SUPT3H: variants seen among roughly 807,000 people sequenced by gnomAD.
SUPT3H encodes the protein transcription initiation protein SPT3 homolog.
A neutral mutation model predicts 44.3 loss-of-function variants in SUPT3H; 44 were observed. The observed-to-expected ratio is 0.99, with a 90% CI of 0.78 to 1.28. The LOEUF is 1.28. Among genes scored for constraint, SUPT3H ranks in the 50% most tolerant of loss-of-function variants. The probability of loss-of-function intolerance (pLI) is 0.00; values close to 1 mark genes in which losing one functional copy is unlikely to be tolerated. For synonymous variants in SUPT3H, 124 were observed against 125.6 expected, an observed-to-expected ratio of 0.99 and a Z score of 0.09; for missense variants, 380 against 387.1, an observed-to-expected ratio of 0.98 and a Z score of 0.15.
intron 10 of SUPT3H, among the ~76,000 whole-genome samples, chr6:44,851,831 G>C (rs568098109): frequency 2.0e-5 from 3 of 152,206 alleles, no homozygotes; most frequent in African/African-American, 7.2e-5. Context: ...TGCTCATTGA[G>C]CCCCTGATCA....
intron 2 of SUPT3H, among the ~76,000 whole-genome samples, chr6:45,158,298 A>ATATATATATATATATTTTTTTT: frequency 2.0e-5 from 2 of 99,694 alleles, no homozygotes; most frequent in Admixed American, 1.3e-4. Flanking sequence ...ATATATATAT[A>ATATATATATATATATTTTTTTT]TTTTTTTTTT....
chr6:45,312,563 C>G (rs1348607988), intron 2 of SUPT3H, among the ~76,000 whole-genome samples: 2 of 150,450 alleles, frequency 1.3e-5, no homozygotes, highest in Non-Finnish European at 3.0e-5. Flanking sequence ...GATAAAAGGC[C>G]TTGTCCAACA....
chr6:45,070,740 A>AAAC (rs11420808), intron 3 of SUPT3H, among the ~76,000 whole-genome samples: 2 of 1,392 alleles, frequency 1.4e-3, no homozygotes, highest in Non-Finnish European at 2.6e-3. Context: ...TGTCTCAAAC[A>AAAC]AAAAAAAAAA....
intron 2 of SUPT3H, among the ~76,000 whole-genome samples, chr6:45,152,329 T>G (rs1807083501): frequency 6.6e-6 from 1 of 152,160 alleles, no homozygotes; most frequent in African/African-American, 2.4e-5. Context: ...TTTAGAATAT[T>G]TATTTCCACA....
intron 6 of SUPT3H, among the ~76,000 whole-genome samples, chr6:44,980,030 G>A (rs1211497423): frequency 6.6e-6 from 1 of 152,050 alleles, no homozygotes; most frequent in Admixed American, 6.6e-5. Context: ...TAGTTGCTTA[G>A]GCAAGATCAA....
intron 3 of SUPT3H, among the ~76,000 whole-genome samples, chr6:45,087,928 A>G (rs1291067677): frequency 6.6e-6 from 1 of 152,084 alleles, no homozygotes; most frequent in African/African-American, 2.4e-5. Flanking sequence ...GGACTCGAAG[A>G]TCATTTAGGA....
chr6:45,278,995 G>GA (rs1389829511), intron 2 of SUPT3H, among the ~76,000 whole-genome samples: 3 of 152,044 alleles, frequency 2.0e-5, no homozygotes, highest in Non-Finnish European at 2.9e-5. Flanking sequence ...TAATATTTCT[G>GA]AAAAAAGTTA....
chr6:45,301,352 G>A (rs1782115766), intron 2 of SUPT3H, among the ~76,000 whole-genome samples: 1 of 152,156 alleles, frequency 6.6e-6, no homozygotes, highest in African/African-American at 2.4e-5. Flanking sequence ...TTCCATTCCA[G>A]CTTTATATAA....
chr6:45,152,753 A>G (rs2153597118), intron 2 of SUPT3H, among the ~76,000 whole-genome samples: 1 of 152,244 alleles, frequency 6.6e-6, no homozygotes. Flanking sequence ...CAGCCTCCCA[A>G]AGTGCTGGGA....
intron 2 of SUPT3H, among the ~76,000 whole-genome samples, chr6:45,283,185 C>A (rs370063301): frequency 2.9e-4 from 44 of 152,188 alleles, no homozygotes; most frequent in African/African-American, 9.9e-4. Context: ...AACTAACGAG[C>A]AAAATAACCA....
At chr6:45,242,482 C>T (rs1320490102) in intron 2 of SUPT3H, among the ~76,000 whole-genome samples, 1 of 152,184 alleles carries the variant, frequency 6.6e-6, no homozygotes, top group African/African-American at 2.4e-5. Flanking sequence ...TGAAGATGAA[C>T]ATTCTCAGAG....
At chr6:45,320,015 T>A (rs1465881672) in intron 2 of SUPT3H, among the ~76,000 whole-genome samples, 1 of 152,128 alleles carries the variant, frequency 6.6e-6, no homozygotes, top group Non-Finnish European at 1.5e-5. Flanking sequence ...TCCAACCTCA[T>A]CCTAAAAGGA....
At chr6:45,082,079 C>T (rs141086325) in intron 3 of SUPT3H, among the ~76,000 whole-genome samples, 181 of 152,086 alleles carry the variant, frequency 1.2e-3, no homozygotes, top group African/African-American at 4.1e-3. Context: ...CATAACCTCC[C>T]AATATTAAAT....
chr6:45,253,243 TA>T (rs2153653792), intron 2 of SUPT3H, among the ~76,000 whole-genome samples: 1 of 152,284 alleles, frequency 6.6e-6, no homozygotes, highest in South Asian at 2.1e-4. Flanking sequence ...GAAATACAAA[TA>T]TCTCAACACT....
intron 3 of SUPT3H, among the ~76,000 whole-genome samples, chr6:45,033,593 T>C (rs1583175546): frequency 6.6e-6 from 1 of 152,208 alleles, no homozygotes; most frequent in Admixed American, 6.5e-5. Flanking sequence ...AAGTTTATTC[T>C]AAAATAATTT....
At chr6:45,363,085 A>G (rs1365159007) in intron 2 of SUPT3H, among the ~76,000 whole-genome samples, 1 of 152,128 alleles carries the variant, frequency 6.6e-6, no homozygotes, top group East Asian at 1.9e-4. Flanking sequence ...GAGATTATCA[A>G]ACTTTTTCTG....
intron 5 of SUPT3H, among the ~76,000 whole-genome samples, chr6:45,012,718 T>G (rs1348310683): frequency 1.3e-5 from 2 of 152,118 alleles, no homozygotes; most frequent in Non-Finnish European, 2.9e-5. Context: ...ACTTACCTAT[T>G]ACTTGGCATA....
intron 2 of SUPT3H, among the ~76,000 whole-genome samples, chr6:45,244,942 A>C (rs72858503): frequency 0.035 from 5,309 of 152,282 alleles, 125 homozygotes; most frequent in Non-Finnish European, 0.056. Context: ...ATTTGACATA[A>C]TAAATACAAC....
chr6:45,322,344 TTTA>T (rs1398649312), intron 2 of SUPT3H, among the ~76,000 whole-genome samples: 1 of 151,348 alleles, frequency 6.6e-6, no homozygotes, highest in Non-Finnish European at 1.5e-5. Context: ...TAAACAATGC[TTTA>T]TTATACCAAT....
Sources: allele counts gnomAD v4.1 joint callset (sites outside exome capture counted in the v4.1 genomes callset), GRCh38; gene constraint gnomAD v4.1.1; transcripts MANE v1.5; gene names NCBI Gene and HGNC (gene_info 2026-07-23, HGNC 2026-07-21).